The following PCDH15 variants were observed in gnomAD, a reference collection of about 807,000 sequenced individuals.
PCDH15 encodes protocadherin-15.
In PCDH15, 129 loss-of-function variants were observed where a neutral mutation model predicts 178.5. The ratio of observed to expected loss-of-function variants is 0.72; its 90% confidence interval spans 0.63 to 0.84. PCDH15 has a LOEUF of 0.84. PCDH15 is among the 40% of genes least tolerant of loss of function. The pLI is 0.00. For synonymous variants in PCDH15, 800 were observed against 732.0 expected (o/e 1.09, Z -1.50); for missense variants, 2,230 against 2,099.9 (o/e 1.06, Z -1.21).
chr10:55,261,119 C>A (rs756915008), intron 1 of PCDH15, among the ~76,000 whole-genome samples: 15 of 152,082 alleles, frequency 9.9e-5, no homozygotes, highest in Non-Finnish European at 1.8e-4. Context: ...TCTTTCCATG[C>A]AACAAATCAA....
At chr10:55,515,491 G>T (rs972470301) in intron 2 of PCDH15, among the ~76,000 whole-genome samples, 8 of 151,712 alleles carry the variant, frequency 5.3e-5, no homozygotes, top group African/African-American at 9.7e-5. Context: ...TCCCACTATT[G>T]TTTGGAAAAT....
chr10:54,504,096 C>T (rs533276278), intron 3 of PCDH15, among the ~76,000 whole-genome samples: 2 of 152,236 alleles, frequency 1.3e-5, no homozygotes, highest in East Asian at 3.9e-4. Context: ...TTAAAATACA[C>T]ATAAATTCAC....
intron 1 of PCDH15, among the ~76,000 whole-genome samples, chr10:54,764,054 C>A (rs567734780): frequency 6.6e-6 from 1 of 151,716 alleles, no homozygotes; most frequent in East Asian, 1.9e-4. Context: ...CTGGGCTCAA[C>A]ATGTAATGAT....
At chr10:54,105,440 G>T (rs1160399977) in intron 15 of PCDH15, among the ~76,000 whole-genome samples, 1 of 151,792 alleles carries the variant, frequency 6.6e-6, no homozygotes, top group African/African-American at 2.4e-5. Flanking sequence ...TAGGCTGTCT[G>T]CAAGCTGAGG....
chr10:54,571,766 T>G (rs1565629359), intron 2 of PCDH15, among the ~76,000 whole-genome samples: 1 of 152,122 alleles, frequency 6.6e-6, no homozygotes, highest in Non-Finnish European at 1.5e-5. Context: ...TTTTTCACAT[T>G]TCATCTAATT....
intron 1 of PCDH15, among the ~76,000 whole-genome samples, chr10:54,787,271 G>GA (rs5785091): frequency 0.45 from 67,821 of 149,162 alleles, 15,877 homozygotes; most frequent in East Asian, 0.75. Context: ...AGATAAAAAG[G>GA]AAAAAAAAAC....
Position 54,634,727 on chromosome 10 carries a change from A to T in PCDH15, c.91+29445T>A, listed in dbSNP as rs1442574322. On this transcript the variant is annotated intron_variant, in intron 2 of 37. Coordinates refer to ENST00000644397, the MANE Select transcript of PCDH15 (RefSeq NM_001384140.1). The stretch of plus-strand genomic sequence containing the variant: ...GCTTGCGCGTATACACTATCTTCCA[A>T]CTGTTTCAGATGTAAATATATTAAA... 2.0e-5 allele frequency among the ~76,000 whole-genome samples: 3 copies of T among 151,972 alleles called. No individual in the cohort carries two copies. In the Admixed American group the frequency reaches 2.0e-4, roughly 10 times the overall value.
intron 26 of PCDH15, among the ~76,000 whole-genome samples, chr10:53,882,612 C>T (rs1002612677): frequency 1.4e-4 from 21 of 152,296 alleles, no homozygotes; most frequent in African/African-American, 4.3e-4. Context: ...ATCTGCCCAC[C>T]TCAGCCTCCC....
At chr10:55,379,091 G>T (rs190476400) in intron 2 of PCDH15, among the ~76,000 whole-genome samples, 2 of 151,422 alleles carry the variant, frequency 1.3e-5, no homozygotes, top group Admixed American at 1.3e-4. Flanking sequence ...ACATCAGAAT[G>T]CCAGGCACAT....
chr10:55,284,098 A>C (rs1290504144), intron 1 of PCDH15, among the ~76,000 whole-genome samples: 1 of 152,154 alleles, frequency 6.6e-6, no homozygotes, highest in South Asian at 2.1e-4. Context: ...ATAAAATTCC[A>C]CACAAATCCC....
At chr10:55,168,744 T>C (rs1839258158) in intron 1 of PCDH15, among the ~76,000 whole-genome samples, 5 of 152,192 alleles carry the variant, frequency 3.3e-5, no homozygotes. Context: ...GAATGAAAGA[T>C]TATCTTTTAT....
chr10:54,172,783 C>T (rs1199311487), intron 13 of PCDH15, among the ~76,000 whole-genome samples: 1 of 151,910 alleles, frequency 6.6e-6, no homozygotes, highest in East Asian at 1.9e-4. Context: ...AAAACAATCA[C>T]ATACAAATAA....
chr10:55,064,007 C>T (rs1841502295), intron 2 of PCDH15, among the ~76,000 whole-genome samples: 1 of 152,062 alleles, frequency 6.6e-6, no homozygotes, highest in African/African-American at 2.4e-5. Context: ...TCAAGCTATG[C>T]AGCATGATCA....
chr10:55,146,520 G>A (rs1303121211), intron 2 of PCDH15, among the ~76,000 whole-genome samples: 1 of 151,894 alleles, frequency 6.6e-6, no homozygotes, highest in Admixed American at 6.6e-5. Flanking sequence ...GTTTCCTGAT[G>A]TAGCCCCTAT....
intron 1 of PCDH15, among the ~76,000 whole-genome samples, chr10:54,708,207 G>C (rs1294699596): frequency 6.6e-6 from 1 of 152,146 alleles, no homozygotes; most frequent in Non-Finnish European, 1.5e-5. Context: ...AATCACAATA[G>C]AGCCAGAGAC....
chr10:54,084,396 C>A (rs751452790), intron 16 of PCDH15, among the ~76,000 whole-genome samples: 1 of 151,566 alleles, frequency 6.6e-6, no homozygotes, highest in Non-Finnish European at 1.5e-5. Flanking sequence ...TCCCTTGAAC[C>A]CAGGAGGCGG....
At position 54,003,076 on chromosome 10, in the gene PCDH15, T is replaced by G. The variant is rs180708219; in HGVS notation, c.2752-7311A>C. On this transcript the variant is annotated intron_variant, in intron 20 of 37. Coordinates refer to ENST00000644397, the MANE Select transcript of PCDH15 (RefSeq NM_001384140.1). ...CCACGAATCCATCAGCAGGAAAAAC[T>G]CTTGATTCAATAGGATATACTGAAA... 2.6e-4 allele frequency among the ~76,000 whole-genome samples: 40 copies of G among 152,250 alleles called. No individual in the cohort carries two copies. The East Asian group carries it at 7.7e-3, about 29-fold the overall frequency.
chr10:54,871,817 T>C (rs113919918), intron 3 of PCDH15, among the ~76,000 whole-genome samples: 1 of 152,186 alleles, frequency 6.6e-6, no homozygotes, highest in African/African-American at 2.4e-5. Flanking sequence ...CCCAATACAT[T>C]CTACTCCAAC....
At chr10:55,111,175 T>G (rs1275721884) in intron 2 of PCDH15, among the ~76,000 whole-genome samples, 3 of 152,178 alleles carry the variant, frequency 2.0e-5, no homozygotes, top group African/African-American at 7.2e-5. Flanking sequence ...AATATTTTTC[T>G]TCATTAATAT....
Sources: gnomAD v4.1 joint callset for allele counts (sites outside exome capture counted in the v4.1 genomes callset) on GRCh38, gnomAD v4.1.1 for gene constraint, MANE v1.5 for transcripts, NCBI Gene and HGNC (gene_info 2026-07-23, HGNC 2026-07-21) for gene names.